FHAD1: variants seen among roughly 807,000 people sequenced by gnomAD.
The protein encoded by FHAD1 is forkhead associated phosphopeptide binding domain 1.
FHAD1 carries 146 observed loss-of-function variants against 191.3 expected under a neutral mutation model. That is an observed-to-expected ratio of 0.76 (90% CI 0.67 to 0.88). FHAD1 has a LOEUF of 0.88. Ranked by LOEUF, FHAD1 falls within the 40% of genes least tolerant of loss-of-function variation. FHAD1 has a pLI of 0.00. For synonymous variants in FHAD1, 616 were observed against 672.3 expected, an observed-to-expected ratio of 0.92 and a Z score of 1.29; for missense variants, 1,635 against 1,785.8, an observed-to-expected ratio of 0.92 and a Z score of 1.52.
rs977332858 is a variant in FHAD1, at chr1:15,317,933, G to T, written c.1365+5G>T. The T allele has an allele frequency of 1.9e-6, 3 of 1,540,690 alleles. No homozygotes were observed. Among genetic ancestry groups the T allele is most frequent in the East Asian group, 2.4e-5 (1 of 40,872 alleles). ...ACTCTGAGAGAAAAAAGCAAGGTACGTAGTGGACAACAGGCCCAGAGAGTG... is the reference window on the plus strand; with the variant it reads ...ACTCTGAGAGAAAAAAGCAAGGTACTTAGTGGACAACAGGCCCAGAGAGTG... On this transcript the variant is annotated splice_donor_5th_base_variant and intron_variant, in intron 10 of 33. Transcript: ENST00000688493.
intron 16 of FHAD1, among the ~76,000 whole-genome samples, chr1:15,343,541 G>A (rs565359095): frequency 6.6e-6 from 1 of 152,032 alleles, no homozygotes; most frequent in African/African-American, 2.4e-5. Context: ...TGTGTGTCCA[G>A]TTACCCCAAA....
intron 3 of FHAD1, chr1:15,286,957 G>T (rs1662664654): frequency 6.6e-6 from 1 of 152,258 alleles, no homozygotes; most frequent in Admixed American, 6.5e-5. Flanking sequence ...CAGAAGGCTG[G>T]AGTAAAACGC....
At chr1:15,287,315 G>A (rs1367103554) in intron 3 of FHAD1, among the ~76,000 whole-genome samples, 1 of 152,170 alleles carries the variant, frequency 6.6e-6, no homozygotes, top group Non-Finnish European at 1.5e-5. Context: ...AGATGTATTA[G>A]TCCATTCTCA....
intron 20 of FHAD1, chr1:15,357,807 C>G (rs570230066): frequency 8.4e-6 from 2 of 236,772 alleles, no homozygotes; most frequent in Non-Finnish European, 1.6e-5. Flanking sequence ...GACATGACAG[C>G]CCTCCTCAAA....
chr1:15,296,615 G>C (rs2100784503), intron 4 of FHAD1, 69 bp from the exon 5 acceptor site: 1 of 1,314,618 alleles, frequency 7.6e-7, no homozygotes, highest in Non-Finnish European at 1.1e-6. Context: ...AGGCTAACGT[G>C]AACATCTTCT....
chr1:15,300,189 T>C (rs1028120747), intron 5 of FHAD1, among the ~76,000 whole-genome samples: 5 of 152,222 alleles, frequency 3.3e-5, no homozygotes, highest in Non-Finnish European at 7.3e-5. Context: ...TTTTTCCCCC[T>C]TTTTTGGGAA....
chr1:15,236,621 G>C (rs1292139190), exon 1 of FHAD1, among the ~76,000 whole-genome samples: 1 of 152,218 alleles, frequency 6.6e-6, no homozygotes, highest in Non-Finnish European at 1.5e-5. Context: ...GTAAGGACTG[G>C]AGCTGCAGCA....
At chr1:15,305,182 A>G (rs1670070772) in intron 6 of FHAD1, among the ~76,000 whole-genome samples, 1 of 152,240 alleles carries the variant, frequency 6.6e-6, no homozygotes, top group Admixed American at 6.5e-5. Context: ...GCTAGTGTCT[A>G]TGTGGGGAGC....
intron 26 of FHAD1, among the ~76,000 whole-genome samples, chr1:15,372,527 A>G (rs1299011104): frequency 6.6e-6 from 1 of 152,222 alleles, no homozygotes; most frequent in Non-Finnish European, 1.5e-5. Context: ...CCACAGCAGC[A>G]AGGGCTGGTC....
chr1:15,288,409 G>A (rs1663266779), intron 3 of FHAD1, among the ~76,000 whole-genome samples: 1 of 152,262 alleles, frequency 6.6e-6, no homozygotes, highest in African/African-American at 2.4e-5. Context: ...AGCAGCTGGA[G>A]CATCTTCCCC....
chr1:15,379,375 T>G (rs1410528983), intron 28 of FHAD1, among the ~76,000 whole-genome samples: 1 of 152,264 alleles, frequency 6.6e-6, no homozygotes, highest in Non-Finnish European at 1.5e-5. Context: ...AAAGCAGTAT[T>G]GCTGCCTGCA....
intron 33 of FHAD1, among the ~76,000 whole-genome samples, chr1:15,393,430 GCACACACACACACA>G (rs57536175): frequency 6.8e-6 from 1 of 146,738 alleles, no homozygotes; most frequent in Non-Finnish European, 1.5e-5. Context: ...ACACACACAC[GCACACACACACACA>G]CACACACACA....
At chr1:15,330,645 A>T (rs1680879007) in intron 14 of FHAD1, among the ~76,000 whole-genome samples, 1 of 152,178 alleles carries the variant, frequency 6.6e-6, no homozygotes, top group Non-Finnish European at 1.5e-5. Context: ...CATCTGCAGG[A>T]TGCATCGGAG....
chr1:15,265,441 G>GT (rs1371870255), intron 2 of FHAD1, among the ~76,000 whole-genome samples: 1 of 152,178 alleles, frequency 6.6e-6, no homozygotes, highest in East Asian at 1.9e-4. Context: ...ACTAACATCA[G>GT]TTTTTTGCAG....
intron 26 of FHAD1, among the ~76,000 whole-genome samples, chr1:15,372,705 T>G (rs1422378591): frequency 6.6e-6 from 1 of 152,226 alleles, no homozygotes; most frequent in Non-Finnish European, 1.5e-5. Context: ...TGTATATGTA[T>G]ATGCATGAAA....
Position 15,374,446 on chromosome 1 carries a change from G to A in FHAD1, c.3448-56G>A, listed in dbSNP as rs76421461. The A allele has an allele frequency of 9.3e-3, 14,395 of 1,544,786 alleles. 834 individuals carry two copies. The African/African-American group carries it at 0.15, about 16-fold the overall frequency. ...ATGAATTGTTCACATTTCTGTGAATGTAAGAGAAATCTTCTAATCCCTGAT... is the reference window on the plus strand; with the variant it reads ...ATGAATTGTTCACATTTCTGTGAATATAAGAGAAATCTTCTAATCCCTGAT... On this transcript the variant is annotated intron_variant, in intron 26 of 33. Coordinates refer to ENST00000688493, the MANE Select transcript of FHAD1 (RefSeq NM_001391957.1).
At position 15,289,715 on chromosome 1, in the gene FHAD1, G is replaced by A. The variant is rs535546184; in HGVS notation, c.568+49G>A. ...TGGCTTGGGGGTGGTTCACGGCCAT[G>A]TGGATGGGTCTTGGTTTTGGTTTAC... On this transcript the variant is annotated intron_variant, in intron 4 of 33. Transcript: ENST00000688493. The surrounding 1 kb of genome is among the most constrained non-coding windows in gnomAD (Gnocchi z 4.2). 1.2e-4 allele frequency: 185 copies of A among 1,511,570 alleles called. No individual in the cohort carries two copies. The African/African-American group carries it at 2.3e-3, about 19-fold the overall frequency. 93.6% of individuals were successfully genotyped at this position (1,511,570 alleles called of 1,614,324 possible).
At chr1:15,324,295 G>C (rs3765355) in intron 10 of FHAD1, among the ~76,000 whole-genome samples, 157 bp from the exon 11 acceptor site, 49,988 of 151,280 alleles carry the variant, frequency 0.33, 8,496 homozygotes, top group African/African-American at 0.39. Flanking sequence ...CCCTAGCCTG[G>C]CTCCACCCCG....
At position 15,308,832 on chromosome 1, in the gene FHAD1, C is replaced by G. The variant is rs773116127; in HGVS notation, c.1039+96C>G. 146 of 1,506,542 alleles carry G rather than the reference C, an allele frequency of 9.7e-5. 1 individual carries two copies. Among genetic ancestry groups the G allele is most frequent in the Non-Finnish European group, 1.2e-4 (131 of 1,119,530 alleles). 93.3% of individuals were successfully genotyped at this position (1,506,542 alleles called of 1,614,324 possible). On this transcript the variant is annotated intron_variant, in intron 7 of 33. Coordinates refer to ENST00000688493, the MANE Select transcript of FHAD1 (RefSeq NM_001391957.1). ...CCAATCAACCACATACTTTTTGTTA[C>G]TGAACTTGGCTGCAGCCTCAGAGTT...
Sources: gnomAD v4.1 joint callset for allele counts (sites outside exome capture counted in the v4.1 genomes callset) on GRCh38, gnomAD v4.1.1 for gene constraint, Gnocchi (gnomAD v3.1) non-coding constraint, MANE v1.5 for transcripts, NCBI Gene and HGNC (gene_info 2026-07-23, HGNC 2026-07-21) for gene names.